The following MDN1 variants were observed in gnomAD, a reference collection of about 807,000 sequenced individuals.
MDN1 encodes the protein midasin AAA ATPase 1.
MDN1 carries 266 observed loss-of-function variants against 669.2 expected under a neutral mutation model. That is an observed-to-expected ratio of 0.40 (90% CI 0.36 to 0.44). MDN1 has a LOEUF of 0.44. MDN1 is among the 20% of genes least tolerant of loss of function. MDN1 has a pLI of 1.00. For missense variants in MDN1, 5,940 were observed against 6,754.0 expected, an observed-to-expected ratio of 0.88 and a Z score of 4.22; for synonymous variants, 2,385 against 2,457.1, an observed-to-expected ratio of 0.97 and a Z score of 0.87.
chr6:89,669,211 C>T (rs4343895), intron 83 of MDN1, among the ~76,000 whole-genome samples: 100,904 of 151,906 alleles, frequency 0.66, 33,950 homozygotes, highest in East Asian at 0.95. Flanking sequence ...ACAAAAGCTA[C>T]GGTACAAATG....
At chr6:89,771,953 T>C (rs1057482601) in intron 14 of MDN1, among the ~76,000 whole-genome samples, 2 of 152,102 alleles carry the variant, frequency 1.3e-5, no homozygotes, top group African/African-American at 4.8e-5. Flanking sequence ...GCAATCCTCC[T>C]ACCTCAGGCT....
intron 1 of MDN1, among the ~76,000 whole-genome samples, chr6:89,812,225 T>C (rs55686612): frequency 0.099 from 14,947 of 151,654 alleles, 959 homozygotes; most frequent in Non-Finnish European, 0.14. Flanking sequence ...ACCTCGTGAT[T>C]CGCCCACCTT....
Position 89,776,691 on chromosome 6 carries a change from A to G in MDN1, c.1730T>C (p.Leu577Pro), listed in dbSNP as rs759075493. 2 of 1,587,206 alleles carry G rather than the reference A, an allele frequency of 1.3e-6. No homozygotes were observed. Among genetic ancestry groups the G allele is most frequent in the South Asian group, 2.3e-5 (2 of 86,994 alleles). Residue 577 changes from leucine to proline, a missense_variant, in exon 12 of 102, where the codon CTA becomes CCA. Physicochemically the swap from Leu to Pro is moderately conservative, Grantham distance 98. This residue lies in a region of MDN1 where 1,203 missense variants were observed against 1,268.9 expected (regional missense o/e 0.95). Coordinates refer to ENST00000369393, the MANE Select transcript of MDN1 (RefSeq NM_014611.3). ...SASLNIFQEA[L>P]DCFTAMLSEH... is the part of the protein sequence containing the mutation. Reference sequence around the variant, plus strand: ...AGAAAGCATTGCTGTGAAACAGTCTAGAGCCTATTAAAATAACCAAGGTAA... The same window carrying G: ...AGAAAGCATTGCTGTGAAACAGTCTGGAGCCTATTAAAATAACCAAGGTAA...
intron 80 of MDN1, 45 bp downstream of exon 80, chr6:89,673,191 T>C (rs1200836130): frequency 6.7e-7 from 1 of 1,499,000 alleles, no homozygotes; most frequent in Non-Finnish European, 9.3e-7. Flanking sequence ...TAAGACATCA[T>C]TTCTACACTG....
intron 37 of MDN1, among the ~76,000 whole-genome samples, chr6:89,726,351 G>C (rs1274104061): frequency 6.6e-6 from 1 of 151,742 alleles, no homozygotes; most frequent in Non-Finnish European, 1.5e-5. Flanking sequence ...CAGCTACTCA[G>C]GTGGCTGAGG....
At position 89,751,510 on chromosome 6, in the gene MDN1, G is replaced by C. The variant is rs770217522; in HGVS notation, c.3148C>G (p.Pro1050Ala). Reference protein sequence around the residue: ...GYWIAVGDKEPTIDETYILTS... With the variant: ...GYWIAVGDKEATIDETYILTS... Reference sequence around the variant, plus strand: ...AGAATGTACGTCTCATCTATTGTAGGCTCCTTGTCTCCCACCGCAATCCAG... The same window carrying C: ...AGAATGTACGTCTCATCTATTGTAGCCTCCTTGTCTCCCACCGCAATCCAG... The change falls in exon 23 of 102, where the codon CCT becomes GCT. Residue 1050 changes from proline to alanine, a missense_variant. This residue lies in a region of MDN1 where 1,203 missense variants were observed against 1,268.9 expected (regional missense o/e 0.95). Transcript: ENST00000369393. The C allele has an allele frequency of 3.7e-6, 6 of 1,614,068 alleles. No individual in the cohort carries two copies. The highest frequency in any genetic ancestry group is 1.3e-5 in the African/African-American group (1 of 75,002).
chr6:89,787,751 T>C (rs1369243336), intron 8 of MDN1, 103 bp downstream of exon 8: 6 of 764,004 alleles, frequency 7.9e-6, no homozygotes, highest in Non-Finnish European at 1.3e-5. Flanking sequence ...CTAACCTTGC[T>C]TGAAGTAGAC....
intron 1 of MDN1, chr6:89,815,548 C>T (rs565998795): frequency 4.0e-6 from 1 of 250,248 alleles, no homozygotes; most frequent in African/African-American, 2.3e-5. Context: ...CCCAGAGCCC[C>T]CCTGCTCCAG....
At chr6:89,690,595 G>C in intron 64 of MDN1, 78 bp downstream of exon 64, 1 of 1,526,796 alleles carries the variant, frequency 6.5e-7, no homozygotes, top group Admixed American at 1.8e-5. Flanking sequence ...TAAAGAGGAA[G>C]AGAGAAAGCC....
In MDN1 at chr6:89,670,160, A is replaced by T. The variant is rs1226899844; in HGVS notation, c.13956+759T>A. 5.6e-4 allele frequency among the ~76,000 whole-genome samples: 24 copies of T among 43,022 alleles called. 2 individuals carry two copies. In the East Asian group the frequency reaches 0.034, roughly 60 times the overall value. 28.2% of individuals were successfully genotyped at this position (43,022 alleles called of 152,430 possible). A position where few individuals can be genotyped will look rare whatever the true frequency, so the allele number is the denominator to read the frequency against. On this transcript the variant is annotated intron_variant, in intron 83 of 101. Coordinates refer to ENST00000369393, the MANE Select transcript of MDN1 (RefSeq NM_014611.3). Reference sequence around the variant, plus strand: ...AAAACATATATATATATATATATATATATATATATATTTTTTTTTTTTTTT... The same window carrying T: ...AAAACATATATATATATATATATATTTATATATATATTTTTTTTTTTTTTT...
rs764435383 is a variant in MDN1 at position 89,673,524 on chromosome 6, C to A, written c.13248-62G>T. 4 of 1,395,040 alleles carry A rather than the reference C, an allele frequency of 2.9e-6. No homozygotes were observed. The East Asian group carries it at 9.5e-5, about 33-fold the overall frequency. 86.4% of individuals were successfully genotyped at this position (1,395,040 alleles called of 1,614,324 possible). ...TTACAGTTCCCACAAACACACACCC[C>A]TCCCTGCAACCACTACAAGATATGC... On this transcript the variant is annotated intron_variant, in intron 79 of 101. Coordinates refer to ENST00000369393, the MANE Select transcript of MDN1 (RefSeq NM_014611.3).
chr6:89,776,703 A>C lies in MDN1; in HGVS notation c.1726-8T>G. 1.3e-6 allele frequency: 2 copies of C among 1,563,246 alleles called. No homozygotes were observed. Among genetic ancestry groups the C allele is most frequent in the Non-Finnish European group, 1.7e-6 (2 of 1,150,020 alleles). The stretch of plus-strand genomic sequence containing the variant: ...TGTGAAACAGTCTAGAGCCTATTAA[A>C]ATAACCAAGGTAAATGCTGACTGAT... On this transcript the variant is annotated splice_region_variant and splice_polypyrimidine_tract_variant and intron_variant, in intron 11 of 101. Transcript: ENST00000369393.
chr6:89,681,743 TTAAGGA>T (rs1811626534), intron 73 of MDN1, among the ~76,000 whole-genome samples: 1 of 152,182 alleles, frequency 6.6e-6, no homozygotes, highest in Non-Finnish European at 1.5e-5. Context: ...CAAAAATAGC[TTAAGGA>T]CTTTCATTAC....
At chr6:89,783,688 G>C (rs1818800570) in intron 9 of MDN1, among the ~76,000 whole-genome samples, 1 of 152,138 alleles carries the variant, frequency 6.6e-6, no homozygotes, top group Non-Finnish European at 1.5e-5. Context: ...TTGCTGGTTT[G>C]AAGCTCAGGT....
intron 23 of MDN1, among the ~76,000 whole-genome samples, chr6:89,750,936 T>A (rs1388873666): frequency 6.6e-6 from 1 of 151,026 alleles, no homozygotes; most frequent in African/African-American, 2.4e-5. Flanking sequence ...TTTAAAAGAA[T>A]GACGACATCA....
intron 92 of MDN1, 78 bp from the exon 93 acceptor site, chr6:89,654,412 C>T: frequency 1.3e-6 from 2 of 1,552,104 alleles, no homozygotes; most frequent in Non-Finnish European, 1.7e-6. Context: ...GGTATGGTTT[C>T]TGTCATTCTA....
At chr6:89,783,798 A>G (rs1818805278) in intron 9 of MDN1, among the ~76,000 whole-genome samples, 6 of 152,044 alleles carry the variant, frequency 3.9e-5, no homozygotes, top group Non-Finnish European at 1.5e-5. Flanking sequence ...GCCAGCCAAC[A>G]CTTATGGAAA....
chr6:89,681,370 T>C (rs1811606442), intron 73 of MDN1, among the ~76,000 whole-genome samples: 1 of 152,132 alleles, frequency 6.6e-6, no homozygotes, highest in Non-Finnish European at 1.5e-5. Flanking sequence ...GATGGGGTTT[T>C]ACCACGTTGG....
intron 24 of MDN1, 121 bp from the exon 25 acceptor site, chr6:89,749,872 G>T: frequency 1.3e-6 from 1 of 797,624 alleles, no homozygotes; most frequent in Non-Finnish European, 2.0e-6. Context: ...ACTTTCTGTA[G>T]CTAGTCTTGC....
Sources: allele counts gnomAD v4.1 joint callset (sites outside exome capture counted in the v4.1 genomes callset), GRCh38; gene constraint gnomAD v4.1.1; regional missense constraint gnomAD v4.1.1; transcripts MANE v1.5; gene names NCBI Gene and HGNC (gene_info 2026-07-23, HGNC 2026-07-21).